ZNF805: variants seen among roughly 807,000 people sequenced by gnomAD.
ZNF805 encodes the protein zinc finger protein 805.
ZNF805 carries 7 observed loss-of-function variants against 13.6 expected under a neutral mutation model. That is an observed-to-expected ratio of 0.51 (90% CI 0.29 to 0.97). The LOEUF (loss-of-function observed/expected upper bound fraction) is 0.97. Ranked by LOEUF, ZNF805 falls within the 50% of genes least tolerant of loss-of-function variation. The pLI is 0.08. For missense variants in ZNF805, 604 were observed against 771.0 expected (o/e 0.78, Z 2.57); for synonymous variants, 293 against 279.8 (o/e 1.05, Z -0.47).
intron 2 of ZNF805, among the ~76,000 whole-genome samples, chr19:57,245,573 A>T (rs867081650): frequency 2.7e-5 from 4 of 150,012 alleles, no homozygotes; most frequent in Admixed American, 1.3e-4. Context: ...AGGTCAGGAG[A>T]TAGAGACCAT....
rs2122821396 is a variant in ZNF805, at chr19:57,240,782, C to T, written c.-110C>T. 1.1e-5 allele frequency: 12 copies of T among 1,068,428 alleles called. No homozygotes were observed. Among genetic ancestry groups the T allele is most frequent in the Non-Finnish European group, 1.5e-5 (11 of 752,026 alleles). 66.2% of individuals were successfully genotyped at this position (1,068,428 alleles called of 1,614,324 possible). A position where few individuals can be genotyped will look rare whatever the true frequency, so the allele number is the denominator to read the frequency against. ...CCCCGTAACGAGAGAGTTTGACTGT[C>T]AGCCAAGGTCACCGGGCCCGGCGCA... is the stretch of plus-strand genomic sequence containing the variant. On this transcript the variant is annotated 5_prime_UTR_variant, in exon 1 of 4. Transcript: ENST00000414468.
chr19:57,240,816 G>T lies in ZNF805; in HGVS notation c.-76G>T. On this transcript the variant is annotated 5_prime_UTR_variant, in exon 1 of 4. Coordinates refer to ENST00000414468, the MANE Select transcript of ZNF805 (RefSeq NM_001023563.4). ...TCACCGGGCCCGGCGCAGGGAAGGG[G>T]TGGGGCTCGGCTGAGCCCGCGAGAC... 1 of 1,434,698 alleles carries T rather than the reference G, an allele frequency of 7.0e-7. No homozygotes were observed. The highest frequency in any genetic ancestry group is 1.4e-5 in the African/African-American group (1 of 69,828). 88.9% of individuals were successfully genotyped at this position (1,434,698 alleles called of 1,614,324 possible).
At chr19:57,243,810 T>G in intron 1 of ZNF805, 113 bp from the exon 2 acceptor site, 1 of 1,442,956 alleles carries the variant, frequency 6.9e-7, no homozygotes, top group Admixed American at 1.9e-5. Context: ...GGTACAAAGT[T>G]AGGCCCTCAG....
chr19:57,253,489 A>G lies in ZNF805; in HGVS notation c.670A>G (p.Ile224Val). The part of the protein sequence containing the change: ...KKRLLARHER[I>V]HSGVKPYECT... ...ACGCCTGCTTGCTCGGCATGAGAGG[A>G]TTCACTCTGGAGTGAAGCCCTATGA... Residue 224 changes from isoleucine to valine, a missense_variant, in exon 4 of 4, where the codon ATT becomes GTT. Ile to Val is a conservative substitution (Grantham distance 29). Coordinates refer to ENST00000414468, the MANE Select transcript of ZNF805 (RefSeq NM_001023563.4). The surrounding 1 kb of genome is among the most constrained non-coding windows in gnomAD (Gnocchi z 4.4). 1.2e-6 allele frequency: 2 copies of G among 1,606,444 alleles called. No homozygotes were observed. Among genetic ancestry groups the G allele is most frequent in the Non-Finnish European group, 1.7e-6 (2 of 1,175,968 alleles).
Position 57,254,093 on chromosome 19 carries a change from A to G in ZNF805, c.1274A>G (p.Lys425Arg). 1 of 1,613,656 alleles carries G rather than the reference A, an allele frequency of 6.2e-7. No individual in the cohort carries two copies. Among genetic ancestry groups the G allele is most frequent in the Non-Finnish European group, 8.5e-7 (1 of 1,179,936 alleles). ...KRHQRIHTGEKPYVCSECGKA... is the reference protein window; with the variant it reads ...KRHQRIHTGERPYVCSECGKA... ...CACCAGCGGATTCACACTGGGGAGA[A>G]GCCATATGTGTGTAGTGAATGCGGA... Residue 425 changes from lysine to arginine, a missense_variant, in exon 4 of 4, where the codon AAG becomes AGG. Coordinates refer to ENST00000414468, the MANE Select transcript of ZNF805 (RefSeq NM_001023563.4).
chr19:57,244,663 G>A (rs894071745), intron 2 of ZNF805, among the ~76,000 whole-genome samples: 3 of 152,144 alleles, frequency 2.0e-5, no homozygotes, highest in Non-Finnish European at 4.4e-5. Flanking sequence ...ATGTTATGAG[G>A]GGTTGAAGTA....
In ZNF805 at chr19:57,248,849, T is replaced by A. The variant is rs2087635059; in HGVS notation, c.253+149T>A. 1.8e-5 allele frequency: 13 copies of A among 720,744 alleles called. No individual in the cohort carries two copies. In the East Asian group the frequency reaches 3.6e-4, roughly 20 times the overall value. The allele number at this position is 720,744 out of a possible 1,614,324, so 44.6% of individuals were successfully genotyped here. A position where few individuals can be genotyped will look rare whatever the true frequency, so the allele number is the denominator to read the frequency against. ...AGCCCTTTAACCTGTGGTTTCTCCG[T>A]CCTCCCAGCCCCATCGCACTTGTCG... On this transcript the variant is annotated intron_variant, in intron 3 of 3. Transcript: ENST00000414468.
In ZNF805 at chr19:57,261,366, T is replaced by C. The variant is rs566978261; in HGVS notation, c.*6663T>C. 1 of 167,056 alleles carries C rather than the reference T, an allele frequency of 6.0e-6. No homozygotes were observed. Among genetic ancestry groups the C allele is most frequent in the East Asian group, 1.9e-4 (1 of 5,164 alleles). 10.3% of individuals were successfully genotyped at this position (167,056 alleles called of 1,614,324 possible). On this transcript the variant is annotated 3_prime_UTR_variant, in exon 4 of 4. Coordinates refer to ENST00000414468, the MANE Select transcript of ZNF805 (RefSeq NM_001023563.4). ...GAGTAGAGAAGGGCTAAGGCATGCA[T>C]GTTGTTTTAGGTGTGTTTGAGATGC...
At position 57,257,239 on chromosome 19, in the gene ZNF805, G is replaced by A. The variant is rs1343222332; in HGVS notation, c.*2536G>A. On this transcript the variant is annotated 3_prime_UTR_variant, in exon 4 of 4. Coordinates refer to ENST00000414468, the MANE Select transcript of ZNF805 (RefSeq NM_001023563.4). Reference sequence around the variant, plus strand: ...AATGTGTGTTCTCGGTCATTTGGTGGAGTTTCTGTAAAAGTTTGTATGATC... The same window carrying A: ...AATGTGTGTTCTCGGTCATTTGGTGAAGTTTCTGTAAAAGTTTGTATGATC... Among the ~76,000 whole-genome samples, 1 of 152,082 alleles carries A rather than the reference G, an allele frequency of 6.6e-6. No homozygotes were observed. Among genetic ancestry groups the A allele is most frequent in the Non-Finnish European group, 1.5e-5 (1 of 68,010 alleles).
intron 3 of ZNF805, among the ~76,000 whole-genome samples, chr19:57,251,947 CTTT>C (rs1436566595): frequency 1.3e-5 from 2 of 152,180 alleles, no homozygotes; most frequent in Admixed American, 6.5e-5. Context: ...CTCTGTTCTT[CTTT>C]ATTCCCAGTT....
At chr19:57,248,209 TAAA>T (rs796135894) in intron 2 of ZNF805, among the ~76,000 whole-genome samples, 9 of 137,802 alleles carry the variant, frequency 6.5e-5, no homozygotes, top group East Asian at 2.1e-4. Context: ...CTTAGGATGT[TAAA>T]AAAAAAAAAA....
In ZNF805 at chr19:57,240,651, C is replaced by G; in HGVS notation, c.-241C>G. On this transcript the variant is annotated 5_prime_UTR_variant, in exon 1 of 4. Coordinates refer to ENST00000414468, the MANE Select transcript of ZNF805 (RefSeq NM_001023563.4). ...AGCGACGGTTCCGTCCACGCCGGCTCTAGGGAGGGGGCGGTGTTCCGTGGC... is the reference window on the plus strand; with the variant it reads ...AGCGACGGTTCCGTCCACGCCGGCTGTAGGGAGGGGGCGGTGTTCCGTGGC... 1 of 506,404 alleles carries G rather than the reference C, an allele frequency of 2.0e-6. No homozygotes were observed. The highest frequency in any genetic ancestry group is 3.5e-6 in the Non-Finnish European group (1 of 284,632). 31.4% of individuals were successfully genotyped at this position (506,404 alleles called of 1,614,324 possible).
chr19:57,254,267 A>G lies in ZNF805; in HGVS notation c.1448A>G (p.Tyr483Cys), dbSNP rs1568490383. The change falls in exon 4 of 4, where the codon TAT becomes TGT. Residue 483 changes from tyrosine to cysteine, a missense_variant. This residue lies in a region of ZNF805 where 228 missense variants were observed against 352.8 expected (regional missense o/e 0.65). Transcript: ENST00000414468. ...HFSIHTGEKPYECMECGKAFN... is the reference protein window; with the variant it reads ...HFSIHTGEKPCECMECGKAFN... Reference sequence around the variant, plus strand: ...AGCATCCACACTGGAGAGAAGCCCTATGAGTGCATGGAGTGTGGAAAGGCC... The same window carrying G: ...AGCATCCACACTGGAGAGAAGCCCTGTGAGTGCATGGAGTGTGGAAAGGCC... 5.0e-6 allele frequency: 8 copies of G among 1,613,618 alleles called. No individual in the cohort carries two copies. The highest frequency in any genetic ancestry group is 2.2e-5 in the East Asian group (1 of 44,860).
At chr19:57,250,315 C>T (rs956898905) in intron 3 of ZNF805, among the ~76,000 whole-genome samples, 1 of 152,186 alleles carries the variant, frequency 6.6e-6, no homozygotes, top group African/African-American at 2.4e-5. Context: ...TCACCGCAAC[C>T]TCCGCCTCCC....
chr19:57,251,713 GTTTAT>G (rs1313191285), intron 3 of ZNF805, among the ~76,000 whole-genome samples: 1 of 151,968 alleles, frequency 6.6e-6, no homozygotes, highest in East Asian at 1.9e-4. Flanking sequence ...AGGTATTCTT[GTTTAT>G]TTTATTGTAA....
intron 3 of ZNF805, among the ~76,000 whole-genome samples, chr19:57,248,962 C>T (rs1276016139): frequency 2.0e-5 from 3 of 152,206 alleles, no homozygotes; most frequent in African/African-American, 7.2e-5. Context: ...AGCCAGTCAT[C>T]TACTCTGTGA....
chr19:57,240,633 G>A lies in ZNF805; in HGVS notation c.-259G>A. On this transcript the variant is annotated 5_prime_UTR_variant, in exon 1 of 4. Coordinates refer to ENST00000414468, the MANE Select transcript of ZNF805 (RefSeq NM_001023563.4). ...GATGGGACGTAATTTGGGAGCGACGGTTCCGTCCACGCCGGCTCTAGGGAG... is the reference window on the plus strand; with the variant it reads ...GATGGGACGTAATTTGGGAGCGACGATTCCGTCCACGCCGGCTCTAGGGAG... 1 of 484,598 alleles carries A rather than the reference G, an allele frequency of 2.1e-6. No homozygotes were observed. Among genetic ancestry groups the A allele is most frequent in the Non-Finnish European group, 3.7e-6 (1 of 273,378 alleles). 30.0% of individuals were successfully genotyped at this position (484,598 alleles called of 1,614,324 possible). A position where few individuals can be genotyped will look rare whatever the true frequency, so the allele number is the denominator to read the frequency against.
At chr19:57,251,726 T>C (rs1158715558) in intron 3 of ZNF805, among the ~76,000 whole-genome samples, 1 of 152,268 alleles carries the variant, frequency 6.6e-6, no homozygotes, top group East Asian at 1.9e-4. Flanking sequence ...TATTTTATTG[T>C]AAGTTGTAAA....
chr19:57,253,552 T>C lies in ZNF805; in HGVS notation c.733T>C (p.Tyr245His), dbSNP rs2087665379. 4 of 1,613,728 alleles carry C rather than the reference T, an allele frequency of 2.5e-6. No individual in the cohort carries two copies. In the Admixed American group the frequency reaches 5.0e-5, roughly 20 times the overall value. The change falls in exon 4 of 4, where the codon TAC (tyrosine) becomes CAC (histidine). Residue 245 changes from tyrosine (Y) to histidine (H), a missense_variant. By Grantham distance (83) the Tyr-to-His change is moderately conservative. Transcript: ENST00000414468. This position sits in a 1 kb window ranked among gnomAD's most constrained non-coding sequence, Gnocchi z 4.4. The stretch of plus-strand genomic sequence containing the variant: ...TGGAAAAACCTTTAGCAAGAGTACA[T>C]ACCTCCTGCAGCACCACATGGTCCA... Reference protein sequence around the residue: ...ECGKTFSKSTYLLQHHMVHTG... With the variant: ...ECGKTFSKSTHLLQHHMVHTG...
Sources: gnomAD v4.1 joint callset for allele counts (sites outside exome capture counted in the v4.1 genomes callset) on GRCh38, gnomAD v4.1.1 for gene constraint, gnomAD v4.1.1 regional missense constraint, Gnocchi (gnomAD v3.1) non-coding constraint, MANE v1.5 for transcripts, NCBI Gene and HGNC (gene_info 2026-07-23, HGNC 2026-07-21) for gene names.